The following FAM167A variants were observed in gnomAD, a reference collection of about 807,000 sequenced individuals.
The protein encoded by FAM167A is protein FAM167A.
Under a neutral mutation model 14.9 loss-of-function variants are expected in FAM167A, and 23 were observed. That is an observed-to-expected ratio of 1.55 (90% CI 1.11 to 2.19). The LOEUF (loss-of-function observed/expected upper bound fraction) is 2.19, where lower values mean the gene tolerates loss of function less well. Among genes scored for constraint, FAM167A ranks in the 30% most tolerant of loss-of-function variants. The probability of loss-of-function intolerance (pLI) is 0.00; values close to 1 mark genes in which losing one functional copy is unlikely to be tolerated. For synonymous variants in FAM167A, 174 were observed against 117.7 expected (o/e 1.48, Z -3.10); for missense variants, 401 against 281.5 (o/e 1.42, Z -3.04).
intron 2 of FAM167A, among the ~76,000 whole-genome samples, chr8:11,428,062 T>C (rs1408101774): frequency 6.6e-6 from 1 of 152,194 alleles, no homozygotes; most frequent in Non-Finnish European, 1.5e-5. Flanking sequence ...TCACTTCTCT[T>C]TGGAGTGTTC....
chr8:11,432,381 G>T (rs1253359893), intron 2 of FAM167A, among the ~76,000 whole-genome samples: 1 of 152,044 alleles, frequency 6.6e-6, no homozygotes, highest in Non-Finnish European at 1.5e-5. Flanking sequence ...TACAAGAAAA[G>T]AACAACCCCA....
chr8:11,438,704 A>C (rs964372000), intron 2 of FAM167A: 37 of 370,010 alleles, frequency 1.0e-4, no homozygotes, highest in Non-Finnish European at 6.3e-5. Context: ...GGTAACCCCC[A>C]CGAGGCCGTA....
At chr8:11,466,091 CG>C (rs1335076693) in intron 1 of FAM167A, among the ~76,000 whole-genome samples, 1 of 152,200 alleles carries the variant, frequency 6.6e-6, no homozygotes, top group African/African-American at 2.4e-5. Context: ...TGCTCATTCC[CG>C]GGGGCCCCTG....
At chr8:11,436,536 T>C (rs1047895378) in intron 2 of FAM167A, among the ~76,000 whole-genome samples, 6 of 152,134 alleles carry the variant, frequency 3.9e-5, no homozygotes, top group Non-Finnish European at 7.4e-5. Context: ...AGACACCCCC[T>C]AGCAGGGGCT....
intron 1 of FAM167A, 141 bp from the exon 2 acceptor site, chr8:11,444,949 T>C: frequency 1.3e-6 from 1 of 744,534 alleles, no homozygotes; most frequent in Non-Finnish European, 1.6e-6. Context: ...GGGACGGAAG[T>C]GAGATCATTT....
At chr8:11,472,505 T>C (rs1807992199), upstream of FAM167A, among the ~76,000 whole-genome samples, 3 of 148,128 alleles carry the variant, frequency 2.0e-5, no homozygotes, top group South Asian at 6.5e-4. Flanking sequence ...AGTGGCGTGA[T>C]CTCGGCTCAC....
chr8:11,449,252 G>A (rs916923541), intron 1 of FAM167A, among the ~76,000 whole-genome samples: 1 of 152,246 alleles, frequency 6.6e-6, no homozygotes, highest in Admixed American at 6.5e-5. Context: ...AGGCACAGGA[G>A]CTCAGCTGGA....
intron 1 of FAM167A, among the ~76,000 whole-genome samples, chr8:11,455,289 G>T (rs1360179724): frequency 1.4e-5 from 2 of 145,984 alleles, no homozygotes; most frequent in African/African-American, 2.5e-5. Context: ...TGTGTCTGGG[G>T]GGGGTGGTTA....
At chr8:11,438,658 A>G in intron 2 of FAM167A, 1 of 391,646 alleles carries the variant, frequency 2.6e-6, no homozygotes, top group South Asian at 1.9e-5. Flanking sequence ...GTTTTGGTGT[A>G]TTTCCTTTCC....
chr8:11,440,596 G>T (rs1386116764), intron 2 of FAM167A, among the ~76,000 whole-genome samples: 1 of 152,216 alleles, frequency 6.6e-6, no homozygotes, highest in Non-Finnish European at 1.5e-5. Context: ...CCTCCTGGGA[G>T]AGCTGCTAGG....
chr8:11,430,997 G>T (rs552190502), intron 2 of FAM167A, among the ~76,000 whole-genome samples: 13 of 152,340 alleles, frequency 8.5e-5, no homozygotes, highest in African/African-American at 3.1e-4. Context: ...GTGGGAAACA[G>T]CATGGCGGGT....
At chr8:11,450,641 T>G (rs767450254) in intron 1 of FAM167A, among the ~76,000 whole-genome samples, 11 of 152,198 alleles carry the variant, frequency 7.2e-5, no homozygotes, top group Non-Finnish European at 2.9e-5. Context: ...ACCAAGCCTT[T>G]TATGCTGGAC....
At chr8:11,443,193 C>G (rs1488008216) in intron 2 of FAM167A, among the ~76,000 whole-genome samples, 1 of 152,200 alleles carries the variant, frequency 6.6e-6, no homozygotes, top group Admixed American at 6.5e-5. Flanking sequence ...TGCTGAGAGG[C>G]TGTCGTGCCA....
chr8:11,444,581 G>C lies in FAM167A; in HGVS notation c.-170C>G, dbSNP rs531994267. Reference sequence around the variant, plus strand: ...GCTGGGTGGCAGGGGAGCTGAGAGGGACCGCGCAGTGAGCCGCACAGGGCG... The same window carrying C: ...GCTGGGTGGCAGGGGAGCTGAGAGGCACCGCGCAGTGAGCCGCACAGGGCG... On this transcript the variant is annotated 5_prime_UTR_variant, in exon 2 of 3. Coordinates refer to ENST00000284486, the MANE Select transcript of FAM167A (RefSeq NM_053279.3). 10 of 1,436,348 alleles carry C rather than the reference G, an allele frequency of 7.0e-6. No individual in the cohort carries two copies. In the East Asian group the frequency reaches 2.5e-4, roughly 36 times the overall value. The allele number at this position is 1,436,348 out of a possible 1,614,324, so 89.0% of individuals were successfully genotyped here.
chr8:11,447,925 G>A (rs1806856704), intron 1 of FAM167A, among the ~76,000 whole-genome samples: 1 of 152,240 alleles, frequency 6.6e-6, no homozygotes, highest in South Asian at 2.1e-4. Flanking sequence ...GCCGGGCGCC[G>A]TGGCTCATAT....
At position 11,444,607 on chromosome 8, in the gene FAM167A, C is replaced by T; in HGVS notation, c.-196G>A. ...ACCGCGCAGTGAGCCGCACAGGGCG[C>T]CCTCCTGGAGGCTCGGGTCTATGAT... On this transcript the variant is annotated 5_prime_UTR_variant, in exon 2 of 3. Coordinates refer to ENST00000284486, the MANE Select transcript of FAM167A (RefSeq NM_053279.3). 7.2e-7 allele frequency: 1 copy of T among 1,389,036 alleles called. No homozygotes were observed. The highest frequency in any genetic ancestry group is 1.5e-5 in the African/African-American group (1 of 68,252). 86.0% of individuals were successfully genotyped at this position (1,389,036 alleles called of 1,614,324 possible).
intron 2 of FAM167A, among the ~76,000 whole-genome samples, chr8:11,436,557 T>G (rs769875242): frequency 1.3e-5 from 2 of 152,162 alleles, no homozygotes; most frequent in Non-Finnish European, 2.9e-5. Flanking sequence ...GTCTCCCTGC[T>G]CCGACAGGAG....
chr8:11,452,891 A>C (rs895747637), intron 1 of FAM167A, among the ~76,000 whole-genome samples: 3 of 152,222 alleles, frequency 2.0e-5, no homozygotes, highest in African/African-American at 7.2e-5. Flanking sequence ...TTCGGGCCTC[A>C]CGTCCTTCTG....
intron 1 of FAM167A, among the ~76,000 whole-genome samples, chr8:11,451,690 C>T (rs1332541006): frequency 6.6e-6 from 1 of 152,116 alleles, no homozygotes; most frequent in Non-Finnish European, 1.5e-5. Flanking sequence ...CTGTTCAGGC[C>T]CCGACTCTGA....
Sources: allele counts gnomAD v4.1 joint callset (sites outside exome capture counted in the v4.1 genomes callset), GRCh38; gene constraint gnomAD v4.1.1; transcripts MANE v1.5; gene names NCBI Gene and HGNC (gene_info 2026-07-23, HGNC 2026-07-21).